Variants in LRP1B observed in about 807,000 individuals in gnomAD.
LRP1B encodes low-density lipoprotein receptor-related protein 1B.
A neutral mutation model predicts 556.6 loss-of-function variants in LRP1B; 217 were observed. The observed-to-expected ratio is 0.39, with a 90% CI of 0.35 to 0.44. The LOEUF (loss-of-function observed/expected upper bound fraction) is 0.44. Among genes scored for constraint, LRP1B ranks in the 20% least tolerant of loss-of-function variants. LRP1B has a pLI of 1.00. For synonymous variants in LRP1B, 2,047 were observed against 1,865.8 expected (o/e 1.10, Z -2.50); for missense variants, 5,053 against 5,620.8 (o/e 0.90, Z 3.23).
chr2:141,942,268 G>A (rs11884442), intron 1 of LRP1B, among the ~76,000 whole-genome samples: 11,896 of 152,042 alleles, frequency 0.078, 1,556 homozygotes, highest in African/African-American at 0.27. Flanking sequence ...GCTTCTTTAG[G>A]CACTGTTCTG....
intron 11 of LRP1B, among the ~76,000 whole-genome samples, chr2:141,027,264 T>C (rs1482106115): frequency 6.6e-6 from 1 of 152,132 alleles, no homozygotes; most frequent in Admixed American, 6.6e-5. Flanking sequence ...TTTGGCAAAT[T>C]GCCTACCCTT....
At position 140,715,972 on chromosome 2, in the gene LRP1B, C is replaced by T. The variant is rs1378105123; in HGVS notation, c.6023+1G>A. The T allele has an allele frequency of 6.4e-7, 1 of 1,563,962 alleles. No individual in the cohort carries two copies. The highest frequency in any genetic ancestry group is 1.9e-5 in the Admixed American group (1 of 53,654). On this transcript the variant is annotated splice_donor_variant, in intron 37 of 90. Coordinates refer to ENST00000389484, the MANE Select transcript of LRP1B (RefSeq NM_018557.3). LOFTEE classifies it high-confidence loss of function. ...AAGATATACGTAAATCTTAAAATTA[C>T]CCTTTCTCTGGGTGCACAGCTATAG...
intron 66 of LRP1B, among the ~76,000 whole-genome samples, chr2:140,424,252 G>T (rs1207964964): frequency 6.6e-6 from 1 of 152,062 alleles, no homozygotes; most frequent in African/African-American, 2.4e-5. Context: ...ACCCAAAAAA[G>T]TTAATCCAAA....
rs543281261 is a variant in LRP1B at position 140,233,304 on chromosome 2, A to T, written c.13682T>A (p.Val4561Glu). 3 of 1,599,526 alleles carry T rather than the reference A, an allele frequency of 1.9e-6. No individual in the cohort carries two copies. The South Asian group carries it at 3.4e-5, about 18-fold the overall frequency. ...CCCATCCATATATAATTTTGCATATACCGGATTGGAGTAATTTGTTGGCTG... is the reference window on the plus strand; with the variant it reads ...CCCATCCATATATAATTTTGCATATTCCGGATTGGAGTAATTTGTTGGCTG... ...TAGPTNYSNPVYAKLYMDGQN... is the reference protein window; with the variant it reads ...TAGPTNYSNPEYAKLYMDGQN... The change falls in exon 91 of 91, where the codon GTA (valine) becomes GAA (glutamate). Residue 4561 changes from valine to glutamate, a missense_variant. By Grantham distance (121) the Val-to-Glu change is moderately radical. Around this residue, in one of 5 missense-constraint regions of LRP1B, gnomAD observed 551 missense variants for 592.0 expected, o/e 0.93. Coordinates refer to ENST00000389484, the MANE Select transcript of LRP1B (RefSeq NM_018557.3).
At chr2:141,619,438 G>A (rs1688425364) in intron 2 of LRP1B, among the ~76,000 whole-genome samples, 1 of 152,190 alleles carries the variant, frequency 6.6e-6, no homozygotes, top group Non-Finnish European at 1.5e-5. Flanking sequence ...CGGAACTGAA[G>A]AGGTAGGATC....
At chr2:140,955,893 A>G (rs146455177) in intron 18 of LRP1B, among the ~76,000 whole-genome samples, 209 of 151,730 alleles carry the variant, frequency 1.4e-3, no homozygotes, top group African/African-American at 4.8e-3. Flanking sequence ...CCCCAAAATA[A>G]TATTTTTAAG....
intron 31 of LRP1B, among the ~76,000 whole-genome samples, chr2:140,825,324 C>A (rs1432236645): frequency 2.0e-5 from 3 of 152,134 alleles, no homozygotes; most frequent in African/African-American, 4.8e-5. Flanking sequence ...TGGGAAGTTT[C>A]GGTCACACTG....
At chr2:140,649,210 T>A (rs754696945) in intron 41 of LRP1B, among the ~76,000 whole-genome samples, 28 of 152,164 alleles carry the variant, frequency 1.8e-4, no homozygotes, top group Non-Finnish European at 2.2e-4. Flanking sequence ...TGGTAGTGAT[T>A]TCCTACCTAA....
intron 47 of LRP1B, among the ~76,000 whole-genome samples, chr2:140,530,291 T>A (rs1485847): frequency 0.5 from 76,043 of 151,822 alleles, 19,377 homozygotes; most frequent in East Asian, 0.62. Flanking sequence ...CTGCATCTCT[T>A]CATTGCACTG....
chr2:140,786,392 C>T (rs16844684), intron 32 of LRP1B, among the ~76,000 whole-genome samples: 3,050 of 152,212 alleles, frequency 0.02, 110 homozygotes, highest in African/African-American at 0.068. Context: ...ATGTTGGAGC[C>T]ATTACATTTT....
At chr2:141,488,659 C>T (rs900694770) in intron 2 of LRP1B, among the ~76,000 whole-genome samples, 7 of 151,988 alleles carry the variant, frequency 4.6e-5, no homozygotes, top group African/African-American at 1.7e-4. Flanking sequence ...CAGGGTCTCA[C>T]CATGTTGCCC....
chr2:140,266,352 C>T (rs1682203918), intron 86 of LRP1B, among the ~76,000 whole-genome samples: 1 of 152,060 alleles, frequency 6.6e-6, no homozygotes, highest in African/African-American at 2.4e-5. Context: ...CATTGGCACT[C>T]TACTCCTTTG....
At chr2:140,556,024 G>C (rs1434598426) in intron 43 of LRP1B, among the ~76,000 whole-genome samples, 4 of 152,062 alleles carry the variant, frequency 2.6e-5, no homozygotes, top group Non-Finnish European at 5.9e-5. Flanking sequence ...AAGTTACCCT[G>C]ATCATCTACA....
intron 2 of LRP1B, among the ~76,000 whole-genome samples, chr2:141,712,755 C>T (rs560920051): frequency 1.3e-5 from 2 of 151,648 alleles, no homozygotes; most frequent in Non-Finnish European, 2.9e-5. Flanking sequence ...CTGCAACCTC[C>T]GCCTCCTGGA....
At chr2:141,047,765 C>A (rs932418397) in intron 11 of LRP1B, among the ~76,000 whole-genome samples, 1 of 152,052 alleles carries the variant, frequency 6.6e-6, no homozygotes, top group Admixed American at 6.6e-5. Context: ...CCATTTAGGT[C>A]CCCCACACCC....
intron 11 of LRP1B, among the ~76,000 whole-genome samples, chr2:141,041,423 T>G (rs1313850708): frequency 6.6e-6 from 1 of 152,116 alleles, no homozygotes; most frequent in African/African-American, 2.4e-5. Context: ...GTCCATTTCT[T>G]TGCCTTTTCC....
At chr2:140,341,297 C>G (rs974039898) in intron 77 of LRP1B, among the ~76,000 whole-genome samples, 3 of 151,448 alleles carry the variant, frequency 2.0e-5, no homozygotes, top group African/African-American at 7.3e-5. Context: ...CATTTTATTA[C>G]TCCTTAAACT....
At chr2:141,809,026 T>C (rs1481861058) in intron 2 of LRP1B, among the ~76,000 whole-genome samples, 1 of 152,130 alleles carries the variant, frequency 6.6e-6, no homozygotes, top group Non-Finnish European at 1.5e-5. Flanking sequence ...ACTTATCTGC[T>C]GAGAACCTTG....
chr2:141,601,186 ATCTG>A (rs1390100992), intron 2 of LRP1B, among the ~76,000 whole-genome samples: 1 of 144,728 alleles, frequency 6.9e-6, no homozygotes, highest in Non-Finnish European at 1.5e-5. Context: ...AACATATAGT[ATCTG>A]TCTGTCTGTC....
Sources: gnomAD v4.1 joint callset for allele counts (sites outside exome capture counted in the v4.1 genomes callset) on GRCh38, gnomAD v4.1.1 for gene constraint, gnomAD v4.1.1 regional missense constraint, MANE v1.5 for transcripts, NCBI Gene and HGNC (gene_info 2026-07-23, HGNC 2026-07-21) for gene names.